PTPRN2: variants seen among roughly 807,000 people sequenced by gnomAD.
The protein encoded by PTPRN2 is protein tyrosine phosphatase receptor type N2.
A neutral mutation model predicts 118.8 loss-of-function variants in PTPRN2; 74 were observed. The ratio of observed to expected loss-of-function variants is 0.62; its 90% CI spans 0.52 to 0.76. The LOEUF is 0.76. Ranked by LOEUF, PTPRN2 falls within the 30% of genes least tolerant of loss-of-function variation. PTPRN2 has a pLI of 0.00. For missense variants in PTPRN2, 1,481 were observed against 1,394.4 expected, an observed-to-expected ratio of 1.06 and a Z score of -0.99; for synonymous variants, 641 against 608.0, an observed-to-expected ratio of 1.05 and a Z score of -0.80.
intron 11 of PTPRN2, among the ~76,000 whole-genome samples, chr7:158,000,353 G>A (rs75446013): frequency 0.034 from 4,449 of 130,474 alleles, 95 homozygotes; most frequent in Non-Finnish European, 0.055. Context: ...TAAGAGAAGG[G>A]TTTAAAAGCC....
intron 12 of PTPRN2, among the ~76,000 whole-genome samples, chr7:157,885,255 C>T (rs1032739616): frequency 1.3e-5 from 2 of 152,162 alleles, no homozygotes; most frequent in Non-Finnish European, 2.9e-5. Context: ...CCAGGGTGGG[C>T]TTGGCTCCAT....
chr7:158,213,903 T>C (rs943060872), intron 3 of PTPRN2, among the ~76,000 whole-genome samples: 2 of 152,124 alleles, frequency 1.3e-5, no homozygotes, highest in African/African-American at 4.8e-5. Context: ...AAAATTTTTA[T>C]CTAAAAATCA....
At chr7:158,365,775 ACACACACACACC>A (rs1459132593) in intron 2 of PTPRN2, among the ~76,000 whole-genome samples, 1 of 145,376 alleles carries the variant, frequency 6.9e-6, no homozygotes, top group African/African-American at 2.6e-5. Flanking sequence ...ACGTGCATAC[ACACACACACACC>A]CACACACACA....
intron 3 of PTPRN2, among the ~76,000 whole-genome samples, chr7:158,266,438 T>C (rs111537143): frequency 2.3e-3 from 109 of 47,136 alleles, no homozygotes; most frequent in Middle Eastern, 0.016. Flanking sequence ...AGGCTGGGGA[T>C]GGTGTCTGCT....
Position 157,787,764 on chromosome 7 carries a change from C to T in PTPRN2, c.1789-104827G>A, listed in dbSNP as rs555952314. On this transcript the variant is annotated intron_variant, in intron 12 of 22. Coordinates refer to ENST00000389418, the MANE Select transcript of PTPRN2 (RefSeq NM_002847.5). The surrounding 1 kb of genome is among the most constrained non-coding windows in gnomAD (Gnocchi z 5.3). The stretch of plus-strand genomic sequence containing the variant: ...GGTGAGCCCAGCCCCATCTTTCCCT[C>T]GGACTTCATTTGTGCTCATGGCTGG... Among the ~76,000 whole-genome samples, 1 of 152,282 alleles carries T rather than the reference C, an allele frequency of 6.6e-6. No homozygotes were observed. The highest frequency in any genetic ancestry group is 2.1e-4 in the South Asian group (1 of 4,828).
intron 2 of PTPRN2, among the ~76,000 whole-genome samples, chr7:158,328,045 G>A (rs1027822768): frequency 6.6e-6 from 1 of 152,216 alleles, no homozygotes; most frequent in Non-Finnish European, 1.5e-5. Flanking sequence ...GGGAGAAAAA[G>A]CCCTTTATCT....
chr7:158,331,941 T>C (rs72505560), intron 2 of PTPRN2, among the ~76,000 whole-genome samples: 33,501 of 120,968 alleles, frequency 0.28, 5,108 homozygotes, highest in Middle Eastern at 0.41. Context: ...TCACTCACAC[T>C]CACACTCCCA....
At chr7:157,983,638 C>T (rs183544907) in intron 11 of PTPRN2, among the ~76,000 whole-genome samples, 384 of 152,264 alleles carry the variant, frequency 2.5e-3, no homozygotes, top group African/African-American at 8.9e-3. Flanking sequence ...TTCTCAGGGA[C>T]GCTGCCTGCA....
chr7:157,656,276 G>A, intron 14 of PTPRN2, 81 bp downstream of exon 14: 4 of 1,385,734 alleles, frequency 2.9e-6, no homozygotes, highest in Non-Finnish European at 3.9e-6. Context: ...GGGTCAGCGG[G>A]CGCAGATGCT....
chr7:158,399,600 G>A (rs550793563), intron 2 of PTPRN2, among the ~76,000 whole-genome samples: 3 of 152,212 alleles, frequency 2.0e-5, no homozygotes, highest in African/African-American at 7.2e-5. Context: ...AGGCTGCAGT[G>A]AGCTATGATC....
intron 11 of PTPRN2, among the ~76,000 whole-genome samples, chr7:158,019,810 C>T (rs940012358): frequency 1.3e-5 from 2 of 152,184 alleles, no homozygotes. Flanking sequence ...ACCCTGTGCT[C>T]GGTCTTGAGG....
At chr7:157,930,299 T>C (rs1419836091) in intron 11 of PTPRN2, among the ~76,000 whole-genome samples, 1 of 152,168 alleles carries the variant, frequency 6.6e-6, no homozygotes, top group Non-Finnish European at 1.5e-5. Context: ...GCAATGAAAG[T>C]CTGGTTCACT....
At chr7:157,894,930 G>A (rs934712283) in intron 12 of PTPRN2, among the ~76,000 whole-genome samples, 3 of 152,164 alleles carry the variant, frequency 2.0e-5, no homozygotes, top group Admixed American at 1.3e-4. Context: ...GGGACACTGA[G>A]GGCAGAACTT....
chr7:157,592,062 C>T (rs999909173), intron 17 of PTPRN2, among the ~76,000 whole-genome samples: 4 of 152,174 alleles, frequency 2.6e-5, no homozygotes, highest in African/African-American at 9.7e-5. Flanking sequence ...CCTGGAACCA[C>T]CTGATACCTG....
chr7:157,953,240 T>C lies in PTPRN2; in HGVS notation c.1724-54503A>G, dbSNP rs565983862. 3.3e-5 allele frequency among the ~76,000 whole-genome samples: 5 copies of C among 152,252 alleles called. No homozygotes were observed. The highest frequency in any genetic ancestry group is 1.2e-4 in the African/African-American group (5 of 41,562). ...GGAGGGCTCCGTGTTCAATATGTGA[T>C]GAGCTTTCGGGAAGGACAGGAGAGC... On this transcript the variant is annotated intron_variant, in intron 11 of 22. Transcript: ENST00000389418. The surrounding 1 kb of genome is among the most constrained non-coding windows in gnomAD (Gnocchi z 4.6).
In PTPRN2 at chr7:157,748,532, T is replaced by C. The variant is rs113903823; in HGVS notation, c.1789-65595A>G. On this transcript the variant is annotated intron_variant, in intron 12 of 22. Transcript: ENST00000389418. ...TTCTTAGGTCTGCGTCTCTGAGCTGTGGGGTGTCCGGGTGATTCTGAGGCC... is the reference window on the plus strand; with the variant it reads ...TTCTTAGGTCTGCGTCTCTGAGCTGCGGGGTGTCCGGGTGATTCTGAGGCC... Among the ~76,000 whole-genome samples, 51 of 118,800 alleles carry C rather than the reference T, an allele frequency of 4.3e-4. 3 individuals carry two copies. The highest frequency in any genetic ancestry group is 8.9e-4 in the Admixed American group (9 of 10,106). The allele number at this position is 118,800 out of a possible 152,430, so 77.9% of individuals were successfully genotyped here. A position where few individuals can be genotyped will look rare whatever the true frequency, so the allele number is the denominator to read the frequency against.
At chr7:158,257,051 G>A (rs1050013165) in intron 3 of PTPRN2, among the ~76,000 whole-genome samples, 134 of 152,312 alleles carry the variant, frequency 8.8e-4, no homozygotes, top group African/African-American at 3.2e-3. Flanking sequence ...AAGGCAGACT[G>A]AGAGCCCAGT....
At chr7:158,424,169 T>C (rs970812924) in intron 2 of PTPRN2, among the ~76,000 whole-genome samples, 2 of 152,086 alleles carry the variant, frequency 1.3e-5, no homozygotes, top group Non-Finnish European at 2.9e-5. Context: ...ACAAGGCGCA[T>C]CCCACAGGTG....
intron 1 of PTPRN2, among the ~76,000 whole-genome samples, chr7:158,499,787 G>A (rs899861877): frequency 1.4e-5 from 2 of 140,116 alleles, no homozygotes; most frequent in Non-Finnish European, 3.1e-5. Context: ...ATGTGTGTAT[G>A]TGTGTGTGTG....
Sources: allele counts gnomAD v4.1 joint callset (sites outside exome capture counted in the v4.1 genomes callset), GRCh38; gene constraint gnomAD v4.1.1; non-coding constraint Gnocchi (gnomAD v3.1); transcripts MANE v1.5; gene names NCBI Gene and HGNC (gene_info 2026-07-23, HGNC 2026-07-21).